UIMC1: variants seen among roughly 807,000 people sequenced by gnomAD.
The protein encoded by UIMC1 is BRCA1-A complex subunit RAP80.
A neutral mutation model predicts 84.9 loss-of-function variants in UIMC1; 42 were observed. That is an observed-to-expected ratio of 0.49 (90% CI 0.39 to 0.64). UIMC1 has a LOEUF of 0.64. Ranked by LOEUF, UIMC1 falls within the 30% of genes least tolerant of loss-of-function variation. UIMC1 has a pLI of 0.00. For synonymous variants in UIMC1, 281 were observed against 293.0 expected (o/e 0.96, Z 0.42); for missense variants, 825 against 847.6 (o/e 0.97, Z 0.33).
chr5:176,946,750 GC>G (rs1438711858), intron 9 of UIMC1, among the ~76,000 whole-genome samples: 11 of 150,220 alleles, frequency 7.3e-5, no homozygotes, highest in Admixed American at 4.6e-4. Context: ...CAGGATAATC[GC>G]TTGAACCCAA....
At chr5:176,970,523 A>T in intron 4 of UIMC1, 2 of 610,672 alleles carry the variant, frequency 3.3e-6, no homozygotes, top group Non-Finnish European at 2.7e-6. Context: ...TAAAAAATCC[A>T]TGGGGTGGAA....
upstream of UIMC1, among the ~76,000 whole-genome samples, chr5:177,011,674 T>C (rs1376582778): frequency 6.6e-6 from 1 of 152,108 alleles, no homozygotes; most frequent in Non-Finnish European, 1.5e-5. Flanking sequence ...AATAATATAT[T>C]GAATATGACA....
At chr5:176,984,076 C>CTA (rs1771531592) in intron 1 of UIMC1, among the ~76,000 whole-genome samples, 1 of 133,156 alleles carries the variant, frequency 7.5e-6, no homozygotes, top group Non-Finnish European at 1.6e-5. Flanking sequence ...GCCCGGCCGC[C>CTA]CCGTCTGGGA....
intron 10 of UIMC1, among the ~76,000 whole-genome samples, chr5:176,938,432 C>T (rs1449536502): frequency 6.6e-6 from 1 of 152,104 alleles, no homozygotes; most frequent in Non-Finnish European, 1.5e-5. Flanking sequence ...ACCTATTGTA[C>T]ACCAAGTACA....
At chr5:176,950,607 C>T (rs1430784891) in intron 9 of UIMC1, among the ~76,000 whole-genome samples, 1 of 151,860 alleles carries the variant, frequency 6.6e-6, no homozygotes. Context: ...CGGTGGCTCA[C>T]GCCTGTAATC....
chr5:176,913,075 T>G (rs146303245), intron 10 of UIMC1, among the ~76,000 whole-genome samples: 1 of 152,316 alleles, frequency 6.6e-6, no homozygotes, highest in African/African-American at 2.4e-5. Context: ...ATGAATACAT[T>G]TACCCACCTT....
chr5:176,924,288 A>C (rs1490063372), intron 10 of UIMC1, among the ~76,000 whole-genome samples: 1 of 151,994 alleles, frequency 6.6e-6, no homozygotes, highest in Non-Finnish European at 1.5e-5. Context: ...ACTGCACTCC[A>C]GCCTGGGGGA....
intron 1 of UIMC1, among the ~76,000 whole-genome samples, chr5:176,988,926 C>T (rs1477056667): frequency 1.3e-5 from 2 of 152,070 alleles, no homozygotes; most frequent in South Asian, 4.1e-4. Context: ...TCATGATCCA[C>T]CCACCTTGGC....
chr5:176,943,308 A>T, intron 10 of UIMC1, 27 bp downstream of exon 10: 1 of 1,607,408 alleles, frequency 6.2e-7, no homozygotes, highest in Non-Finnish European at 8.5e-7. Flanking sequence ...AAAAAGTAAG[A>T]GTTTGGCTGT....
intron 9 of UIMC1, among the ~76,000 whole-genome samples, chr5:176,944,564 G>A (rs1764849303): frequency 1.3e-5 from 2 of 152,176 alleles, no homozygotes; most frequent in African/African-American, 4.8e-5. Flanking sequence ...GGACACCCGG[G>A]CTGTCATTAC....
intron 9 of UIMC1, among the ~76,000 whole-genome samples, chr5:176,945,757 C>T (rs1765025387): frequency 6.6e-6 from 1 of 152,214 alleles, no homozygotes; most frequent in African/African-American, 2.4e-5. Flanking sequence ...ATACTCCCTT[C>T]TGAGAATTTC....
At chr5:176,914,000 T>C (rs370954951) in intron 10 of UIMC1, among the ~76,000 whole-genome samples, 26 of 149,320 alleles carry the variant, frequency 1.7e-4, no homozygotes, top group African/African-American at 6.2e-4. Flanking sequence ...TACCATACCA[T>C]ACCATAGCAT....
intron 1 of UIMC1, among the ~76,000 whole-genome samples, chr5:176,991,650 A>G (rs925664488): frequency 2.2e-5 from 3 of 134,858 alleles, no homozygotes; most frequent in Admixed American, 7.2e-5. Flanking sequence ...AAAAAAAAAA[A>G]GGCCAGGCGC....
Position 176,908,690 on chromosome 5 carries a change from C to T in UIMC1, c.1681G>A (p.Glu561Lys). 1 of 1,609,288 alleles carries T rather than the reference C, an allele frequency of 6.2e-7. No individual in the cohort carries two copies. The highest frequency in any genetic ancestry group is 8.5e-7 in the Non-Finnish European group (1 of 1,177,396). The change falls in exon 12 of 15, where the codon GAG becomes AAG. Residue 561 changes from glutamate to lysine, a missense_variant. Physicochemically the swap from Glu to Lys is moderately conservative, Grantham distance 56. Transcript: ENST00000511320. Reference protein sequence around the residue: ...AQTSLDIDKNEKCYLCKSLVP... With the variant: ...AQTSLDIDKNKKCYLCKSLVP... ...AGGGATTTACAGAGGTAACACTTCTCATTCCTATCCAATAAGAAAAAAGGA... is the reference window on the plus strand; with the variant it reads ...AGGGATTTACAGAGGTAACACTTCTTATTCCTATCCAATAAGAAAAAAGGA...
chr5:176,951,230 T>C (rs562978528), intron 9 of UIMC1, among the ~76,000 whole-genome samples: 25 of 152,322 alleles, frequency 1.6e-4, no homozygotes, highest in Non-Finnish European at 3.5e-4. Flanking sequence ...CCTAAGCCTC[T>C]GTTTCCCCAT....
chr5:176,970,703 G>C, intron 4 of UIMC1, 39 bp downstream of exon 4: 1 of 1,613,440 alleles, frequency 6.2e-7, no homozygotes, highest in Non-Finnish European at 8.5e-7. Context: ...AAATATAGCT[G>C]ATCAATCTCC....
At chr5:176,970,965 T>A in intron 3 of UIMC1, 99 bp from the exon 4 acceptor site, 1 of 1,425,758 alleles carries the variant, frequency 7.0e-7, no homozygotes, top group Non-Finnish European at 9.4e-7. Flanking sequence ...CTGAAGACAC[T>A]ACCAGACCAC....
intron 3 of UIMC1, among the ~76,000 whole-genome samples, 169 bp from the exon 4 acceptor site, chr5:176,971,035 A>T (rs960087967): frequency 1.3e-5 from 2 of 152,246 alleles, no homozygotes; most frequent in Non-Finnish European, 2.9e-5. Context: ...GTGTTGGCCA[A>T]GATAATTAGC....
At chr5:176,950,754 C>G (rs1765775413) in intron 9 of UIMC1, among the ~76,000 whole-genome samples, 1 of 151,814 alleles carries the variant, frequency 6.6e-6, no homozygotes. Flanking sequence ...CCTGTAATCC[C>G]AGCTACTCGG....
Sources: allele counts gnomAD v4.1 joint callset (sites outside exome capture counted in the v4.1 genomes callset), GRCh38; gene constraint gnomAD v4.1.1; transcripts MANE v1.5; gene names NCBI Gene and HGNC (gene_info 2026-07-23, HGNC 2026-07-21).